SPAM1: variants seen among roughly 807,000 people sequenced by gnomAD.
The protein encoded by SPAM1 is sperm adhesion molecule 1.
SPAM1 carries 22 observed loss-of-function variants against 29.6 expected under a neutral mutation model. The ratio of observed to expected loss-of-function variants is 0.74; its 90% CI spans 0.53 to 1.06. The LOEUF is 1.06. Ranked by LOEUF, SPAM1 falls within the 50% of genes least tolerant of loss-of-function variation. The pLI, the probability that SPAM1 is intolerant of heterozygous loss-of-function variation, is 0.00. For missense variants in SPAM1, 534 were observed against 604.0 expected (o/e 0.88, Z 1.21); for synonymous variants, 194 against 204.6 (o/e 0.95, Z 0.44).
At chr7:123,929,388 A>G (rs952523249) in intron 1 of SPAM1, among the ~76,000 whole-genome samples, 2 of 152,012 alleles carry the variant, frequency 1.3e-5, no homozygotes, top group Non-Finnish European at 2.9e-5. Flanking sequence ...TGGGAGAGGT[A>G]GTTGTTCCTA....
chr7:123,930,080 T>C (rs13233487), intron 1 of SPAM1, among the ~76,000 whole-genome samples: 7,219 of 152,012 alleles, frequency 0.047, 246 homozygotes, highest in Non-Finnish European at 0.074. Context: ...GTACAGTAGA[T>C]GTGGATTTTT....
chr7:123,943,440 A>G (rs1311635964), intron 1 of SPAM1, among the ~76,000 whole-genome samples: 2 of 152,306 alleles, frequency 1.3e-5, no homozygotes, highest in African/African-American at 2.4e-5. Context: ...TGTGGCATAC[A>G]ACAATTTCAC....
chr7:123,955,520 T>G (rs1471663020), intron 4 of SPAM1, among the ~76,000 whole-genome samples: 3 of 152,028 alleles, frequency 2.0e-5, no homozygotes, highest in Non-Finnish European at 4.4e-5. Context: ...GAATTTTTTC[T>G]TCTCTGGTGG....
downstream of SPAM1, chr7:123,960,116 C>A (rs1935241488): frequency 1.7e-6 from 2 of 1,173,824 alleles, no homozygotes; most frequent in East Asian, 2.5e-5. Flanking sequence ...TGACGATTTT[C>A]TTTGAACTTG....
At chr7:123,941,417 A>G (rs146456882) in intron 1 of SPAM1, among the ~76,000 whole-genome samples, 1 of 152,346 alleles carries the variant, frequency 6.6e-6, no homozygotes, top group African/African-American at 2.4e-5. Context: ...CCAGGTCATA[A>G]GTAGATAAGA....
At chr7:123,965,760 G>A (rs1301710274) in intron 5 of SPAM1, among the ~76,000 whole-genome samples, 1 of 152,002 alleles carries the variant, frequency 6.6e-6, no homozygotes, top group Non-Finnish European at 1.5e-5. Flanking sequence ...CGCTCTTTTT[G>A]TTTAGGATTG....
At chr7:123,963,136 A>G (rs1341774769), downstream of SPAM1, among the ~76,000 whole-genome samples, 1 of 151,852 alleles carries the variant, frequency 6.6e-6, no homozygotes, top group Non-Finnish European at 1.5e-5. Flanking sequence ...TGTGAAGGGT[A>G]TATACATTTT....
At chr7:123,951,579 A>G (rs1334813189) in intron 2 of SPAM1, among the ~76,000 whole-genome samples, 1 of 152,090 alleles carries the variant, frequency 6.6e-6, no homozygotes, top group Non-Finnish European at 1.5e-5. Context: ...CTATGGGTAG[A>G]GACGTTCTCA....
At chr7:123,949,851 A>C (rs1808702245) in intron 1 of SPAM1, 21 bp from the exon 2 acceptor site, 1 of 119,210 alleles carries the variant, frequency 8.4e-6, no homozygotes, top group Non-Finnish European at 1.8e-5. Flanking sequence ...GAGAGAAAAT[A>C]ATCTTTTTTT....
intron 1 of SPAM1, among the ~76,000 whole-genome samples, chr7:123,929,353 G>C (rs1025586443): frequency 6.6e-6 from 1 of 152,028 alleles, no homozygotes; most frequent in African/African-American, 2.4e-5. Context: ...CTGGCTACCT[G>C]TTTTCTTTAT....
In SPAM1 at chr7:123,959,715, C is replaced by T; in HGVS notation, c.1276C>T (p.Leu426=). The change falls in exon 5 of 5, where the codon CTG becomes TTG. Residue 426 remains leucine, a synonymous_variant. Coordinates refer to ENST00000682466, the MANE Select transcript of SPAM1 (RefSeq NM_153189.3). ...ACGTGGAAAACCGACACTTGAAGACCTGGAGCAATTTTCTGAAAAATTTTA... is the reference window on the plus strand; with the variant it reads ...ACGTGGAAAACCGACACTTGAAGACTTGGAGCAATTTTCTGAAAAATTTTA... ...TVRGKPTLED[L]EQFSEKFYCS... The T allele has an allele frequency of 6.2e-7, 1 of 1,613,278 alleles. No homozygotes were observed. The highest frequency in any genetic ancestry group is 1.3e-5 in the African/African-American group (1 of 74,974).
intron 1 of SPAM1, among the ~76,000 whole-genome samples, chr7:123,943,235 A>G (rs1370810542): frequency 6.6e-6 from 1 of 152,124 alleles, no homozygotes; most frequent in African/African-American, 2.4e-5. Context: ...CTCTTTAAGA[A>G]TCTTGGAAGT....
At chr7:123,947,612 A>T (rs1808624417) in intron 1 of SPAM1, 1 of 151,826 alleles carries the variant, frequency 6.6e-6, no homozygotes, top group Non-Finnish European at 1.5e-5. Context: ...ACACACACAC[A>T]CACACACAGA....
At chr7:123,954,852 C>T (rs1792213425) in intron 3 of SPAM1, 145 bp from the exon 4 acceptor site, 3 of 619,294 alleles carry the variant, frequency 4.8e-6, no homozygotes, top group East Asian at 5.5e-5. Flanking sequence ...TATAGTAAGG[C>T]AATGGCTGTG....
chr7:123,933,975 TC>T (rs1411936317), intron 1 of SPAM1, among the ~76,000 whole-genome samples: 1 of 152,188 alleles, frequency 6.6e-6, no homozygotes, highest in Non-Finnish European at 1.5e-5. Flanking sequence ...TTACTTCTTT[TC>T]TATGTTTAGG....
At position 123,959,645 on chromosome 7, in the gene SPAM1, A is replaced by G. The variant is rs1482561631; in HGVS notation, c.1206A>G (p.Pro402=). The part of the protein sequence containing the change: ...WNSSDYLHLN[P]DNFAIQLEKG... ...CAAGTGACTATCTTCACCTCAACCC[A>G]GATAATTTTGCTATTCAACTTGAGA... Residue 402 remains proline, a synonymous_variant, in exon 5 of 5, where the codon CCA becomes CCG. Transcript: ENST00000682466. The G allele has an allele frequency of 1.9e-6, 3 of 1,613,216 alleles. No homozygotes were observed. Among genetic ancestry groups the G allele is most frequent in the African/African-American group, 1.3e-5 (1 of 74,862 alleles).
chr7:123,960,093 T>A, downstream of SPAM1: 2 of 1,354,632 alleles, frequency 1.5e-6, no homozygotes, highest in Non-Finnish European at 2.0e-6. Context: ...TCTGAATAAC[T>A]ATACCTAGGA....
chr7:123,936,936 T>G (rs528252765), intron 1 of SPAM1, among the ~76,000 whole-genome samples: 1 of 152,186 alleles, frequency 6.6e-6, no homozygotes, highest in Non-Finnish European at 1.5e-5. Context: ...AAATGAATTT[T>G]GCTATGTATA....
chr7:123,954,292 T>C lies in SPAM1; in HGVS notation c.722T>C (p.Val241Ala). The C allele has an allele frequency of 1.2e-6, 2 of 1,612,422 alleles. No homozygotes were observed. Among genetic ancestry groups the C allele is most frequent in the Non-Finnish European group, 1.7e-6 (2 of 1,179,392 alleles). Residue 241 changes from valine (V) to alanine (A), a missense_variant, in exon 3 of 5, where the codon GTA becomes GCA. Physicochemically the swap from Val to Ala is moderately conservative, Grantham distance 64 (BLOSUM62 0). Transcript: ENST00000682466. ...GGTTACAATGGAAGTTGCTTCAATG[T>C]AGAAATAAAAAGAAATGATGATCTC... ...KPGYNGSCFN[V>A]EIKRNDDLSW...
Sources: gnomAD v4.1 joint callset for allele counts (sites outside exome capture counted in the v4.1 genomes callset) on GRCh38, gnomAD v4.1.1 for gene constraint, MANE v1.5 for transcripts, NCBI Gene and HGNC (gene_info 2026-07-23, HGNC 2026-07-21) for gene names.